The following VLDLR variants were observed in gnomAD, a reference collection of about 807,000 sequenced individuals.
VLDLR encodes very low-density lipoprotein receptor.
A neutral mutation model predicts 112.7 loss-of-function variants in VLDLR; 81 were observed. The ratio of observed to expected loss-of-function variants is 0.72; its 90% CI spans 0.60 to 0.86. VLDLR has a LOEUF of 0.86. VLDLR is among the 40% of genes least tolerant of loss of function. The pLI, the probability that VLDLR is intolerant of heterozygous loss-of-function variation, is 0.00. For missense variants in VLDLR, 1,237 were observed against 1,099.4 expected (o/e 1.13, Z -1.77); for synonymous variants, 436 against 384.8 (o/e 1.13, Z -1.56).
At chr9:2,645,162 G>C in intron 9 of VLDLR, 80 bp downstream of exon 9, 1 of 1,599,852 alleles carries the variant, frequency 6.3e-7, no homozygotes, top group African/African-American at 1.3e-5. Context: ...GACTACAATA[G>C]TCAAACTAAA....
rs574956135 is a variant in VLDLR, at chr9:2,657,721, A to G, written c.*3853A>G. 3 of 152,262 alleles carry G rather than the reference A, an allele frequency of 2.0e-5. No individual in the cohort carries two copies. Among genetic ancestry groups the G allele is most frequent in the Admixed American group, 6.5e-5 (1 of 15,300 alleles). 9.4% of individuals were successfully genotyped at this position (152,262 alleles called of 1,614,324 possible). A position where few individuals can be genotyped will look rare whatever the true frequency, so the allele number is the denominator to read the frequency against. ...GCACACTTAGCCCTGGTTGAGGTGC[A>G]TTGTCTGCTGTCGTCTGTTAAGCAT... On this transcript the variant is annotated 3_prime_UTR_variant, in exon 19 of 19. Transcript: ENST00000382100.
chr9:2,647,704 T>TCCTG, intron 12 of VLDLR, 112 bp downstream of exon 12: 1 of 970,746 alleles, frequency 1.0e-6, no homozygotes, highest in Middle Eastern at 2.1e-4. Flanking sequence ...CCGCCTAAAT[T>TCCTG]CTAGCAGGAA....
In VLDLR at chr9:2,645,071, G is replaced by A. The variant is rs752948081; in HGVS notation, c.1301G>A (p.Cys434Tyr). Residue 434 changes from cysteine (C) to tyrosine (Y), a missense_variant, in exon 9 of 19, where the codon TGC (cysteine) becomes TAC (tyrosine). Physicochemically the swap from Cys to Tyr is radical, Grantham distance 194. Coordinates refer to ENST00000382100, the MANE Select transcript of VLDLR (RefSeq NM_003383.5). ...CAAATGGATCTTGCTACTGGCGTGTGCAAGGCAGTAGGTAAATGAACTTGG... is the reference window on the plus strand; with the variant it reads ...CAAATGGATCTTGCTACTGGCGTGTACAAGGCAGTAGGTAAATGAACTTGG... Reference protein sequence around the residue: ...GYQMDLATGVCKAVGKEPSLI... With the variant: ...GYQMDLATGVYKAVGKEPSLI... The A allele has an allele frequency of 6.2e-7, 1 of 1,614,182 alleles. No individual in the cohort carries two copies. Among genetic ancestry groups the A allele is most frequent in the Non-Finnish European group, 8.5e-7 (1 of 1,180,034 alleles).
chr9:2,645,107 CTGTTGT>C, intron 9 of VLDLR, 25 bp downstream of exon 9: 1 of 1,613,938 alleles, frequency 6.2e-7, no homozygotes, highest in East Asian at 2.2e-5. Flanking sequence ...ACTGGTATGG[CTGTTGT>C]ACCTTTATGA....
chr9:2,657,268 G>T lies in VLDLR; in HGVS notation c.*3400G>T, dbSNP rs1818643696. On this transcript the variant is annotated 3_prime_UTR_variant, in exon 19 of 19. Transcript: ENST00000382100. ...CCCAAGTAAAACAATTTATTATTTT[G>T]AATCCAAATGAAAGCTATACTGTTT... The T allele has an allele frequency of 6.6e-6, 1 of 152,114 alleles. No individual in the cohort carries two copies. Among genetic ancestry groups the T allele is most frequent in the Admixed American group, 6.5e-5 (1 of 15,270 alleles). The allele number at this position is 152,114 out of a possible 1,614,324, so 9.4% of individuals were successfully genotyped here.
chr9:2,636,077 C>G (rs978134502), intron 2 of VLDLR, among the ~76,000 whole-genome samples: 2 of 152,142 alleles, frequency 1.3e-5, no homozygotes, highest in Non-Finnish European at 2.9e-5. Context: ...AATTCTAAAG[C>G]ATTAGCAGGG....
At chr9:2,622,560 G>A (rs1340421472) in intron 1 of VLDLR, among the ~76,000 whole-genome samples, 1 of 152,210 alleles carries the variant, frequency 6.6e-6, no homozygotes, top group African/African-American at 2.4e-5. Flanking sequence ...CTCGTTTCTC[G>A]CCCTCTTGAC....
chr9:2,643,941 G>A lies in VLDLR; in HGVS notation c.1048G>A (p.Glu350Lys), dbSNP rs747953121. 3.7e-6 allele frequency: 6 copies of A among 1,613,980 alleles called. No individual in the cohort carries two copies. The highest frequency in any genetic ancestry group is 1.7e-5 in the Admixed American group (1 of 60,006). ...QEQDCRDWSD[E>K]PLKECHINEC... is the part of the protein sequence containing the mutation. ...GCAGGACTGCAGGGACTGGAGTGAT[G>A]AGCCCCTGAAAGAGTGTCGTAAGTG... The change falls in exon 7 of 19, where the codon GAG becomes AAG. Residue 350 changes from glutamate (E) to lysine (K), a missense_variant. By Grantham distance (56) the Glu-to-Lys change is moderately conservative. Coordinates refer to ENST00000382100, the MANE Select transcript of VLDLR (RefSeq NM_003383.5).
Position 2,648,771 on chromosome 9 carries a change from C to G in VLDLR, c.2065C>G (p.Gln689Glu). ...ATLVNNLNDAQDIIVYHELVQ... is the reference protein window; with the variant it reads ...ATLVNNLNDAEDIIVYHELVQ... Reference sequence around the variant, plus strand: ...TCTAGTCAACAACCTGAATGATGCCCAAGACATCATTGTCTATCATGAACT... The same window carrying G: ...TCTAGTCAACAACCTGAATGATGCCGAAGACATCATTGTCTATCATGAACT... Residue 689 changes from glutamine to glutamate, a missense_variant, in exon 14 of 19, where the codon CAA (glutamine) becomes GAA (glutamate). Coordinates refer to ENST00000382100, the MANE Select transcript of VLDLR (RefSeq NM_003383.5). 1 of 1,614,130 alleles carries G rather than the reference C, an allele frequency of 6.2e-7. No individual in the cohort carries two copies. Among genetic ancestry groups the G allele is most frequent in the South Asian group, 1.1e-5 (1 of 91,080 alleles).
In VLDLR at chr9:2,622,027, C is replaced by A; in HGVS notation, c.-163C>A. The stretch of plus-strand genomic sequence containing the variant: ...GTGCAAGTTGTAGGGGAGGGGGTGC[C>A]CTCTTCTTCCCCGCTCCCTTCCCCC... On this transcript the variant is annotated 5_prime_UTR_variant, in exon 1 of 19. Coordinates refer to ENST00000382100, the MANE Select transcript of VLDLR (RefSeq NM_003383.5). 1 of 680,202 alleles carries A rather than the reference C, an allele frequency of 1.5e-6. No individual in the cohort carries two copies. The highest frequency in any genetic ancestry group is 1.9e-5 in the South Asian group (1 of 52,940). The allele number at this position is 680,202 out of a possible 1,614,324, so 42.1% of individuals were successfully genotyped here.
rs1432997089 is a variant in VLDLR, at chr9:2,652,921, G to C, written c.2558G>C (p.Ser853Thr). The C allele has an allele frequency of 3.1e-6, 5 of 1,614,100 alleles. No homozygotes were observed. Among genetic ancestry groups the C allele is most frequent in the Admixed American group, 1.7e-5 (1 of 60,022 alleles). ...EDLSIDIGRH[S>T]ASVGHTYPAI... is the part of the protein sequence containing the mutation. ...CTCTCCATAGACATTGGTAGACACA[G>C]TGCTTCTGTTGGACACACGTACCCA... The change falls in exon 18 of 19, where the codon AGT becomes ACT. Residue 853 changes from serine to threonine, a missense_variant. Physicochemically the swap from Ser to Thr is moderately conservative, Grantham distance 58. Coordinates refer to ENST00000382100, the MANE Select transcript of VLDLR (RefSeq NM_003383.5).
chr9:2,633,961 A>G (rs890106365), intron 1 of VLDLR, among the ~76,000 whole-genome samples: 1 of 152,158 alleles, frequency 6.6e-6, no homozygotes, highest in Non-Finnish European at 1.5e-5. Flanking sequence ...CCCCTTCTAA[A>G]TCCCTAGTAT....
In VLDLR at chr9:2,639,062, T is replaced by C. The variant is rs899824975; in HGVS notation, c.203-797T>C. Among the ~76,000 whole-genome samples, 6 of 152,366 alleles carry C rather than the reference T, an allele frequency of 3.9e-5. No individual in the cohort carries two copies. The South Asian group carries it at 8.3e-4, about 21-fold the overall frequency. On this transcript the variant is annotated intron_variant, in intron 2 of 18. Coordinates refer to ENST00000382100, the MANE Select transcript of VLDLR (RefSeq NM_003383.5). Reference sequence around the variant, plus strand: ...CTTCATTCTCCACACTAAACACATGTGTTGTTAGGGGATGCCCCTTGAACA... The same window carrying C: ...CTTCATTCTCCACACTAAACACATGCGTTGTTAGGGGATGCCCCTTGAACA...
intron 1 of VLDLR, among the ~76,000 whole-genome samples, chr9:2,628,384 T>A (rs975629689): frequency 1.3e-5 from 2 of 152,060 alleles, no homozygotes; most frequent in African/African-American, 4.8e-5. Flanking sequence ...AAAGCAGCCA[T>A]GAGGAAGGGC....
chr9:2,645,196 T>C, intron 9 of VLDLR, 114 bp downstream of exon 9: 1 of 1,512,450 alleles, frequency 6.6e-7, no homozygotes, highest in Non-Finnish European at 9.1e-7. Context: ...TTGAGAACAA[T>C]GCTGCTAACC....
chr9:2,638,375 T>G (rs1045607996), intron 2 of VLDLR, among the ~76,000 whole-genome samples: 3 of 152,250 alleles, frequency 2.0e-5, no homozygotes, highest in African/African-American at 7.2e-5. Flanking sequence ...CTGAGAGTTC[T>G]ACCTGCTTTA....
chr9:2,649,325 C>G (rs1233805034), intron 14 of VLDLR, among the ~76,000 whole-genome samples: 3 of 152,190 alleles, frequency 2.0e-5, no homozygotes. Flanking sequence ...TGATGGTGCT[C>G]TTCCCCCTTT....
chr9:2,643,986 G>T, intron 7 of VLDLR, 27 bp downstream of exon 7: 2 of 1,613,938 alleles, frequency 1.2e-6, no homozygotes, highest in South Asian at 1.1e-5. Flanking sequence ...TTCAAGTACA[G>T]ATCCTGGAAG....
chr9:2,629,592 G>C (rs1236283851), intron 1 of VLDLR, among the ~76,000 whole-genome samples: 1 of 152,224 alleles, frequency 6.6e-6, no homozygotes, highest in Non-Finnish European at 1.5e-5. Context: ...TAAAAGCTAA[G>C]AGATGTGAAG....
Sources: gnomAD v4.1 joint callset for allele counts (sites outside exome capture counted in the v4.1 genomes callset) on GRCh38, gnomAD v4.1.1 for gene constraint, MANE v1.5 for transcripts, NCBI Gene and HGNC (gene_info 2026-07-23, HGNC 2026-07-21) for gene names.